ABCC4: variants seen among roughly 807,000 people sequenced by gnomAD.
ABCC4 encodes the protein ATP-binding cassette sub-family C member 4.
ABCC4 carries 102 observed loss-of-function variants against 168.5 expected under a neutral mutation model. The observed-to-expected ratio is 0.61, with a 90% CI of 0.52 to 0.71. ABCC4 has a LOEUF of 0.71. Ranked by LOEUF, ABCC4 falls within the 30% of genes least tolerant of loss-of-function variation. The probability of loss-of-function intolerance (pLI) is 0.00; values close to 1 mark genes in which losing one functional copy is unlikely to be tolerated. For missense variants in ABCC4, 1,402 were observed against 1,605.8 expected (o/e 0.87, Z 2.17); for synonymous variants, 617 against 590.7 (o/e 1.04, Z -0.65).
intron 1 of ABCC4, among the ~76,000 whole-genome samples, chr13:95,296,175 C>A (rs1409184512): frequency 1.0e-4 from 10 of 98,230 alleles, no homozygotes; most frequent in Admixed American, 5.9e-4. Flanking sequence ...CACACACACA[C>A]ACACACACAA....
At chr13:95,180,908 G>A (rs1423223476) in intron 11 of ABCC4, among the ~76,000 whole-genome samples, 1 of 152,170 alleles carries the variant, frequency 6.6e-6, no homozygotes, top group African/African-American at 2.4e-5. Flanking sequence ...CAACGACCTT[G>A]AGTGTTGTTG....
rs1158269173 is a variant in ABCC4 at position 95,130,308 on chromosome 13, C to T, written c.2456-14307G>A. 2.0e-5 allele frequency among the ~76,000 whole-genome samples: 3 copies of T among 152,156 alleles called. No individual in the cohort carries two copies. In the East Asian group the frequency reaches 5.8e-4, roughly 29 times the overall value. ...AACTATGAACCAAAAACTGGAAAGCCTTAATACAGAAGCAAAAACAGAAAG... is the reference window on the plus strand; with the variant it reads ...AACTATGAACCAAAAACTGGAAAGCTTTAATACAGAAGCAAAAACAGAAAG... On this transcript the variant is annotated intron_variant, in intron 19 of 30. Transcript: ENST00000645237.
intron 1 of ABCC4, among the ~76,000 whole-genome samples, chr13:95,269,911 CA>C (rs1265789379): frequency 1.3e-5 from 2 of 151,912 alleles, no homozygotes; most frequent in South Asian, 2.1e-4. Context: ...TCAGATGTGC[CA>C]AAAAAAGTAA....
intron 1 of ABCC4, among the ~76,000 whole-genome samples, chr13:95,278,304 T>G (rs1239989151): frequency 6.6e-6 from 1 of 152,146 alleles, no homozygotes; most frequent in African/African-American, 2.4e-5. Context: ...GAACTTCAGC[T>G]CCATTCATGG....
At chr13:95,277,965 T>C (rs1354229395) in intron 1 of ABCC4, among the ~76,000 whole-genome samples, 2 of 152,088 alleles carry the variant, frequency 1.3e-5, no homozygotes, top group Non-Finnish European at 2.9e-5. Context: ...ATGAAGAAAC[T>C]AGCTCAGATT....
At chr13:95,201,265 T>C (rs2038616649) in intron 8 of ABCC4, among the ~76,000 whole-genome samples, 1 of 152,160 alleles carries the variant, frequency 6.6e-6, no homozygotes, top group Non-Finnish European at 1.5e-5. Flanking sequence ...CACAGGTGAG[T>C]TGCATTTTGG....
At chr13:95,231,402 C>G (rs531227867) in intron 4 of ABCC4, among the ~76,000 whole-genome samples, 4 of 152,308 alleles carry the variant, frequency 2.6e-5, no homozygotes, top group Admixed American at 2.0e-4. Flanking sequence ...AGACATCCTG[C>G]AAGATCATTC....
chr13:95,076,548 C>A (rs1425200330), intron 21 of ABCC4, among the ~76,000 whole-genome samples: 1 of 150,664 alleles, frequency 6.6e-6, no homozygotes, highest in East Asian at 1.9e-4. Flanking sequence ...CGCCCTGCCC[C>A]GACCTGCCCC....
At chr13:95,213,907 A>G (rs546273231) in intron 4 of ABCC4, among the ~76,000 whole-genome samples, 60 of 152,314 alleles carry the variant, frequency 3.9e-4, no homozygotes, top group Non-Finnish European at 6.6e-4. Flanking sequence ...CTAGATACAC[A>G]AGGAAACAAT....
intron 15 of ABCC4, 97 bp downstream of exon 15, chr13:95,166,061 G>T: frequency 8.6e-7 from 1 of 1,165,872 alleles, no homozygotes. Flanking sequence ...TCCACTTTGG[G>T]ACAAAAGATG....
At chr13:95,218,929 GAAAGAA>G (rs1469893299) in intron 4 of ABCC4, among the ~76,000 whole-genome samples, 591 of 19,674 alleles carry the variant, frequency 0.03, 36 homozygotes, top group Middle Eastern at 0.058. Context: ...GAAAGAAAGA[GAAAGAA>G]AGAAAGAAAG....
chr13:95,169,023 T>G (rs776157293), intron 14 of ABCC4, among the ~76,000 whole-genome samples: 3 of 152,030 alleles, frequency 2.0e-5, no homozygotes, highest in Admixed American at 6.5e-5. Flanking sequence ...ACAGCGACAA[T>G]GCCATGTGAC....
At chr13:95,260,355 A>C (rs1486804138) in intron 1 of ABCC4, among the ~76,000 whole-genome samples, 1 of 152,198 alleles carries the variant, frequency 6.6e-6, no homozygotes, top group Non-Finnish European at 1.5e-5. Flanking sequence ...ACCCACAGAC[A>C]CCTAGAACCG....
At chr13:95,158,071 CAAAAAAAA>C (rs35037278) in intron 19 of ABCC4, among the ~76,000 whole-genome samples, 1 of 84,680 alleles carries the variant, frequency 1.2e-5, no homozygotes, top group Non-Finnish European at 2.7e-5. Flanking sequence ...GACTCCGTCT[CAAAAAAAA>C]AAAAAAAAAA....
chr13:95,033,289 A>C (rs933997120), intron 30 of ABCC4, among the ~76,000 whole-genome samples: 1 of 152,212 alleles, frequency 6.6e-6, no homozygotes, highest in African/African-American at 2.4e-5. Flanking sequence ...AAAACAATGA[A>C]GGAAAATTAT....
At chr13:95,168,890 G>A (rs1255864953) in intron 14 of ABCC4, among the ~76,000 whole-genome samples, 1 of 152,186 alleles carries the variant, frequency 6.6e-6, no homozygotes. Flanking sequence ...ACCTGTGAAT[G>A]TGGCCTTTTT....
In ABCC4 at chr13:95,247,663, G is replaced by C; in HGVS notation, c.165C>G (p.His55Gln). Reference sequence around the variant, plus strand: ...CTTACCCTTGCAACTCCTCTCCAAGGTGCTGTGAGCGGTCTTCTGGCAGCA... The same window carrying C: ...CTTACCCTTGCAACTCCTCTCCAAGCTGCTGTGAGCGGTCTTCTGGCAGCA... ...YSVLPEDRSQ[H>Q]LGEELQGFWD... The change falls in exon 2 of 31, where the codon CAC (histidine) becomes CAG (glutamine). Residue 55 changes from histidine (H) to glutamine (Q), a missense_variant. His to Gln is a conservative substitution (Grantham distance 24). Around this residue, in one of 3 missense-constraint regions of ABCC4, gnomAD observed 317 missense variants for 345.5 expected, o/e 0.92. Transcript: ENST00000645237. The C allele has an allele frequency of 6.2e-7, 1 of 1,613,780 alleles. No individual in the cohort carries two copies. The highest frequency in any genetic ancestry group is 8.5e-7 in the Non-Finnish European group (1 of 1,179,860).
chr13:95,217,181 T>C (rs2039139506), intron 4 of ABCC4, among the ~76,000 whole-genome samples: 1 of 152,222 alleles, frequency 6.6e-6, no homozygotes, highest in Non-Finnish European at 1.5e-5. Flanking sequence ...ACATTAATTG[T>C]ATTCAATTTC....
intron 1 of ABCC4, among the ~76,000 whole-genome samples, chr13:95,297,268 T>TTAAA (rs2041559374): frequency 1.4e-5 from 2 of 140,308 alleles, no homozygotes; most frequent in African/African-American, 2.7e-5. Flanking sequence ...CTCTGTCTCA[T>TTAAA]AAAAAAAAAA....
Sources: gnomAD v4.1 joint callset for allele counts (sites outside exome capture counted in the v4.1 genomes callset) on GRCh38, gnomAD v4.1.1 for gene constraint, gnomAD v4.1.1 regional missense constraint, MANE v1.5 for transcripts, NCBI Gene and HGNC (gene_info 2026-07-23, HGNC 2026-07-21) for gene names.